The following ADAMTS2 variants were observed in gnomAD, a reference collection of about 807,000 sequenced individuals.
ADAMTS2 encodes the protein A disintegrin and metalloproteinase with thrombospondin motifs 2.
A neutral mutation model predicts 123.0 loss-of-function variants in ADAMTS2; 50 were observed. The ratio of observed to expected loss-of-function variants is 0.41; its 90% CI spans 0.32 to 0.51. The LOEUF (loss-of-function observed/expected upper bound fraction) is 0.51, where lower values mean the gene tolerates loss of function less well. Ranked by LOEUF, ADAMTS2 falls within the 20% of genes least tolerant of loss-of-function variation. The pLI, the probability that ADAMTS2 is intolerant of heterozygous loss-of-function variation, is 0.35. For synonymous variants in ADAMTS2, 678 were observed against 695.4 expected (o/e 0.98, Z 0.39); for missense variants, 1,494 against 1,705.2 (o/e 0.88, Z 2.18).
chr5:179,249,841 T>A (rs912247745), intron 3 of ADAMTS2, among the ~76,000 whole-genome samples: 2 of 152,164 alleles, frequency 1.3e-5, no homozygotes, highest in African/African-American at 4.8e-5. Flanking sequence ...TATCCATCTT[T>A]CTATGAGGCC....
intron 2 of ADAMTS2, among the ~76,000 whole-genome samples, chr5:179,325,023 C>T (rs559360376): frequency 1.4e-4 from 22 of 152,364 alleles, no homozygotes; most frequent in African/African-American, 4.6e-4. Context: ...ACACACTAGG[C>T]CCTGGTTCCT....
At chr5:179,154,270 G>A in intron 7 of ADAMTS2, 78 bp from the exon 8 acceptor site, 1 of 1,529,274 alleles carries the variant, frequency 6.5e-7, no homozygotes. Flanking sequence ...ATGATAGGAG[G>A]GTGCCCCATC....
Position 179,277,320 on chromosome 5 carries a change from C to CCCCCCCG in ADAMTS2, c.535-4257_535-4256insCGGGGGG, listed in dbSNP as rs1561674454. 1.1e-4 allele frequency among the ~76,000 whole-genome samples: 7 copies of CCCCCCCG among 62,468 alleles called. 1 individual carries two copies. 41.0% of individuals were successfully genotyped at this position (62,468 alleles called of 152,430 possible). A position where few individuals can be genotyped will look rare whatever the true frequency, so the allele number is the denominator to read the frequency against. Reference sequence around the variant, plus strand: ...CACCTGCCCCGAGACCAAAGGCTGACACCCCGAGACCAAAGGCTGACCCCC... The same window carrying CCCCCCCG: ...CACCTGCCCCGAGACCAAAGGCTGACCCCCCCGACCCCGAGACCAAAGGCTGACCCCC... On this transcript the variant is annotated intron_variant, in intron 2 of 21. Transcript: ENST00000251582.
intron 2 of ADAMTS2, among the ~76,000 whole-genome samples, chr5:179,286,216 C>CAAAAA (rs33951526): frequency 3.0e-5 from 2 of 66,046 alleles, no homozygotes; most frequent in African/African-American, 6.2e-5. Context: ...ACTCTTGTCT[C>CAAAAA]AAAAAAAAAA....
At chr5:179,279,925 G>A (rs1001036827) in intron 2 of ADAMTS2, among the ~76,000 whole-genome samples, 9 of 152,328 alleles carry the variant, frequency 5.9e-5, no homozygotes, top group East Asian at 1.9e-4. Flanking sequence ...GTCCTCACCC[G>A]CATCTCCACC....
chr5:179,198,186 G>A (rs527605673), intron 4 of ADAMTS2, among the ~76,000 whole-genome samples: 7 of 152,326 alleles, frequency 4.6e-5, no homozygotes, highest in East Asian at 1.9e-4. Flanking sequence ...TTATCCTCCC[G>A]GCTGGGCCCA....
At chr5:179,147,232 G>T (rs1763266953) in intron 10 of ADAMTS2, among the ~76,000 whole-genome samples, 2 of 152,110 alleles carry the variant, frequency 1.3e-5, no homozygotes, top group Non-Finnish European at 2.9e-5. Context: ...AGGACTATAG[G>T]CATGCGCCAC....
At chr5:179,344,271 G>A (rs948895678) in intron 1 of ADAMTS2, 110 bp from the exon 2 acceptor site, 1 of 1,406,586 alleles carries the variant, frequency 7.1e-7, no homozygotes, top group Non-Finnish European at 9.6e-7. Context: ...GAAGGGAAGG[G>A]GCATTCCGCC....
intron 2 of ADAMTS2, among the ~76,000 whole-genome samples, chr5:179,336,470 C>T (rs1022365158): frequency 6.6e-6 from 1 of 152,198 alleles, no homozygotes; most frequent in Admixed American, 6.5e-5. Context: ...ACCCATTAGG[C>T]TGCAGACAGC....
chr5:179,259,834 C>T (rs558729069), intron 3 of ADAMTS2, among the ~76,000 whole-genome samples: 1 of 152,202 alleles, frequency 6.6e-6, no homozygotes, highest in Non-Finnish European at 1.5e-5. Context: ...TGTGCAGTGC[C>T]CTGTGTCCTC....
intron 2 of ADAMTS2, among the ~76,000 whole-genome samples, chr5:179,324,393 C>CTT (rs35845418): frequency 0.37 from 52,283 of 141,964 alleles, 10,790 homozygotes; most frequent in Non-Finnish European, 0.47. Flanking sequence ...TTATTTTTCT[C>CTT]TTTTTTTTTT....
chr5:179,245,796 C>CAAAAAAAAAA lies in ADAMTS2; in HGVS notation c.688+27114_688+27115insTTTTTTTTTT, dbSNP rs796076369. On this transcript the variant is annotated intron_variant, in intron 3 of 21. Transcript: ENST00000251582. ...AAAAAAAAAAAAAAAAAAAAAAAAACAAAAAAAACAAAGATGGGGGTGGAA... is the reference window on the plus strand; with the variant it reads ...AAAAAAAAAAAAAAAAAAAAAAAAACAAAAAAAAAAAAAAAAAACAAAGATGGGGGTGGAA... Among the ~76,000 whole-genome samples, 9 of 73,776 alleles carry CAAAAAAAAAA rather than the reference C, an allele frequency of 1.2e-4. 1 individual carries two copies. Among genetic ancestry groups the CAAAAAAAAAA allele is most frequent in the African/African-American group, 2.0e-4 (4 of 20,048 alleles). The allele number at this position is 73,776 out of a possible 152,430, so 48.4% of individuals were successfully genotyped here. A position where few individuals can be genotyped will look rare whatever the true frequency, so the allele number is the denominator to read the frequency against.
At chr5:179,194,648 C>T (rs1426033925) in intron 4 of ADAMTS2, among the ~76,000 whole-genome samples, 1 of 152,126 alleles carries the variant, frequency 6.6e-6, no homozygotes, top group African/African-American at 2.4e-5. Context: ...GCACAGGGGC[C>T]ACCTTCCCAC....
intron 21 of ADAMTS2, 64 bp from the exon 22 acceptor site, chr5:179,114,388 GGGTGCA>G: frequency 1.3e-6 from 2 of 1,512,762 alleles, no homozygotes; most frequent in Non-Finnish European, 1.8e-6. Flanking sequence ...TTCCCCCACA[GGGTGCA>G]GCTTGCTGGA....
chr5:179,275,414 C>T (rs757487970), intron 2 of ADAMTS2, among the ~76,000 whole-genome samples: 14 of 152,094 alleles, frequency 9.2e-5, no homozygotes, highest in Non-Finnish European at 1.3e-4. Flanking sequence ...AAGAACCGGC[C>T]CCCAAAGTTA....
chr5:179,254,007 C>T (rs1349979375), intron 3 of ADAMTS2, among the ~76,000 whole-genome samples: 2 of 152,138 alleles, frequency 1.3e-5, no homozygotes, highest in African/African-American at 4.8e-5. Context: ...CATCCCAGGG[C>T]GGGGCAGCAG....
intron 11 of ADAMTS2, among the ~76,000 whole-genome samples, chr5:179,138,889 C>G (rs762172147): frequency 5.3e-5 from 8 of 152,238 alleles, no homozygotes; most frequent in Non-Finnish European, 1.2e-4. Flanking sequence ...CGGAGCGCAG[C>G]AGCCGGGACG....
intron 19 of ADAMTS2, among the ~76,000 whole-genome samples, chr5:179,123,816 C>G (rs1243792375): frequency 6.6e-6 from 1 of 152,222 alleles, no homozygotes; most frequent in African/African-American, 2.4e-5. Flanking sequence ...TTTTGCCTGC[C>G]TGAGGCCTTG....
At chr5:179,334,608 C>T (rs1757564166) in intron 2 of ADAMTS2, among the ~76,000 whole-genome samples, 1 of 152,222 alleles carries the variant, frequency 6.6e-6, no homozygotes, top group Non-Finnish European at 1.5e-5. Context: ...TGTGACTTAA[C>T]ATCGCTCTGA....
Sources: gnomAD v4.1 joint callset for allele counts (sites outside exome capture counted in the v4.1 genomes callset) on GRCh38, gnomAD v4.1.1 for gene constraint, MANE v1.5 for transcripts, NCBI Gene and HGNC (gene_info 2026-07-23, HGNC 2026-07-21) for gene names.